The following DOCK5 variants were observed in gnomAD, a reference collection of about 807,000 sequenced individuals.
The protein encoded by DOCK5 is dedicator of cytokinesis 5.
Under a neutral mutation model 251.8 loss-of-function variants are expected in DOCK5, and 142 were observed. That is an observed-to-expected ratio of 0.56 (90% CI 0.49 to 0.65). The LOEUF is 0.65. DOCK5 is among the 30% of genes least tolerant of loss of function. The probability of loss-of-function intolerance (pLI) is 0.00; values close to 1 mark genes in which losing one functional copy is unlikely to be tolerated. For synonymous variants in DOCK5, 842 were observed against 835.5 expected, an observed-to-expected ratio of 1.01 and a Z score of -0.13; for missense variants, 2,111 against 2,312.3, an observed-to-expected ratio of 0.91 and a Z score of 1.79.
intron 34 of DOCK5, among the ~76,000 whole-genome samples, 155 bp downstream of exon 34, chr8:25,369,796 G>A (rs768566144): frequency 6.6e-6 from 1 of 152,144 alleles, no homozygotes; most frequent in African/African-American, 2.4e-5. Flanking sequence ...GGTGTATACT[G>A]TCCACAGCTG....
chr8:25,371,972 T>A (rs1305878375), intron 34 of DOCK5, among the ~76,000 whole-genome samples: 1 of 152,226 alleles, frequency 6.6e-6, no homozygotes, highest in Non-Finnish European at 1.5e-5. Context: ...AGACTGAAAG[T>A]TTAGCCTCAG....
At chr8:25,368,067 CTCTTAAGGT>C in intron 31 of DOCK5, 116 bp from the exon 32 acceptor site, 1 of 712,138 alleles carries the variant, frequency 1.4e-6, no homozygotes. Context: ...TGAACCTCAT[CTCTTAAGGT>C]TGGGCCTTAA....
intron 5 of DOCK5, among the ~76,000 whole-genome samples, chr8:25,285,001 T>C (rs189135646): frequency 3.9e-5 from 6 of 152,304 alleles, no homozygotes; most frequent in Non-Finnish European, 7.3e-5. Flanking sequence ...GGAGAAAGGG[T>C]TCAGTGAATT....
chr8:25,316,587 T>A (rs973078319), intron 13 of DOCK5, among the ~76,000 whole-genome samples: 1 of 152,204 alleles, frequency 6.6e-6, no homozygotes, highest in African/African-American at 2.4e-5. Flanking sequence ...TTAATACATA[T>A]AAGACATTTT....
At position 25,385,664 on chromosome 8, in the gene DOCK5, G is replaced by C. The variant is rs569880438; in HGVS notation, c.4131+2886G>C. Among the ~76,000 whole-genome samples the C allele has an allele frequency of 2.0e-5, 3 of 152,224 alleles. No homozygotes were observed. The South Asian group carries it at 6.2e-4, about 32-fold the overall frequency. ...CAGAGTCAAAACGAACCAAAATCTT[G>C]AAATTATCTAGCTTATGTTCCAGCT... On this transcript the variant is annotated intron_variant, in intron 40 of 51. Coordinates refer to ENST00000276440, the MANE Select transcript of DOCK5 (RefSeq NM_024940.8).
chr8:25,393,675 C>A (rs1421815414), intron 44 of DOCK5, among the ~76,000 whole-genome samples: 1 of 152,166 alleles, frequency 6.6e-6, no homozygotes, highest in Non-Finnish European at 1.5e-5. Context: ...GTTTAGGCAC[C>A]AGCTTCTCAA....
At chr8:25,326,731 A>C (rs558406143) in intron 18 of DOCK5, among the ~76,000 whole-genome samples, 1 of 152,318 alleles carries the variant, frequency 6.6e-6, no homozygotes, top group Admixed American at 6.5e-5. Flanking sequence ...TGGAAGTTGC[A>C]CTTAAGTAAA....
chr8:25,186,296 T>C (rs1309739918), intron 1 of DOCK5, among the ~76,000 whole-genome samples: 1 of 151,878 alleles, frequency 6.6e-6, no homozygotes, highest in Admixed American at 6.6e-5. Context: ...TCTTAGTCTC[T>C]CCCTTAGCTG....
intron 1 of DOCK5, among the ~76,000 whole-genome samples, chr8:25,197,710 A>G (rs1380502545): frequency 6.9e-6 from 1 of 144,046 alleles, no homozygotes; most frequent in Non-Finnish European, 1.5e-5. Flanking sequence ...CAGCCACCCA[A>G]GTAGCTGGGA....
chr8:25,261,358 T>C (rs1405539642), intron 2 of DOCK5, among the ~76,000 whole-genome samples: 1 of 152,226 alleles, frequency 6.6e-6, no homozygotes, highest in Non-Finnish European at 1.5e-5. Context: ...ATAGCAAAAC[T>C]TGTTCAGAAT....
chr8:25,337,832 G>T (rs553944483), intron 22 of DOCK5, among the ~76,000 whole-genome samples: 2 of 151,834 alleles, frequency 1.3e-5, no homozygotes, highest in Non-Finnish European at 2.9e-5. Context: ...TGATCCCCCC[G>T]CCTCGGCCTC....
intron 27 of DOCK5, among the ~76,000 whole-genome samples, 162 bp downstream of exon 27, chr8:25,351,988 A>G (rs1426553545): frequency 6.6e-6 from 1 of 151,908 alleles, no homozygotes; most frequent in Non-Finnish European, 1.5e-5. Flanking sequence ...TCTGACATGG[A>G]TTTTCTGTTG....
At chr8:25,291,788 A>C (rs1392163569) in intron 5 of DOCK5, among the ~76,000 whole-genome samples, 1 of 148,022 alleles carries the variant, frequency 6.8e-6, no homozygotes, top group Admixed American at 6.9e-5. Flanking sequence ...CCCTGTCTCT[A>C]CTTGAACCCA....
At position 25,299,006 on chromosome 8, in the gene DOCK5, C is replaced by T; in HGVS notation, c.669C>T (p.Gly223=). Reference sequence around the variant, plus strand: ...TCTTCAGTACCATCCACACCTATGGCCTCTATGTGAACTTCAAGAACTTTG... The same window carrying T: ...TCTTCAGTACCATCCACACCTATGGTCTCTATGTGAACTTCAAGAACTTTG... ...QSIFSTIHTY[G]LYVNFKNFVC... is the part of the protein sequence containing the mutation. Residue 223 remains glycine (G), a synonymous_variant, in exon 8 of 52, where the codon GGC becomes GGT. Coordinates refer to ENST00000276440, the MANE Select transcript of DOCK5 (RefSeq NM_024940.8). The T allele has an allele frequency of 6.2e-7, 1 of 1,613,924 alleles. No homozygotes were observed. The highest frequency in any genetic ancestry group is 8.5e-7 in the Non-Finnish European group (1 of 1,179,876).
At chr8:25,362,998 C>A in intron 28 of DOCK5, 49 bp from the exon 29 acceptor site, 1 of 1,417,900 alleles carries the variant, frequency 7.1e-7, no homozygotes, top group Non-Finnish European at 1.0e-6. Context: ...AGAATAAAGA[C>A]TATGAACGTA....
intron 18 of DOCK5, among the ~76,000 whole-genome samples, chr8:25,330,408 G>A (rs1805656738): frequency 6.6e-6 from 1 of 152,186 alleles, no homozygotes; most frequent in Non-Finnish European, 1.5e-5. Context: ...AAGAGTCAAG[G>A]AGATACCAAG....
In DOCK5 at chr8:25,400,110, C is replaced by G. The variant is rs1023612352; in HGVS notation, c.4788+116C>G. On this transcript the variant is annotated intron_variant, in intron 46 of 51. Coordinates refer to ENST00000276440, the MANE Select transcript of DOCK5 (RefSeq NM_024940.8). Reference sequence around the variant, plus strand: ...GGTGACTTTTCTTTCTTTTTTTAACCCTTGTGAAAGCACCACCTATCTATG... The same window carrying G: ...GGTGACTTTTCTTTCTTTTTTTAACGCTTGTGAAAGCACCACCTATCTATG... The G allele has an allele frequency of 1.1e-5, 9 of 792,472 alleles. No individual in the cohort carries two copies. In the African/African-American group the frequency reaches 1.4e-4, roughly 12 times the overall value. 49.1% of individuals were successfully genotyped at this position (792,472 alleles called of 1,614,324 possible).
At chr8:25,228,651 G>A (rs546844985) in intron 1 of DOCK5, among the ~76,000 whole-genome samples, 21 of 152,350 alleles carry the variant, frequency 1.4e-4, no homozygotes, top group African/African-American at 2.6e-4. Context: ...ATGCGTTGCC[G>A]TGGCAGTGGT....
At chr8:25,373,178 T>G (rs2117288057) in intron 35 of DOCK5, among the ~76,000 whole-genome samples, 1 of 152,102 alleles carries the variant, frequency 6.6e-6, no homozygotes, top group South Asian at 2.1e-4. Flanking sequence ...TTTTGTATTT[T>G]TAGTAGAAAC....
Sources: allele counts gnomAD v4.1 joint callset (sites outside exome capture counted in the v4.1 genomes callset), GRCh38; gene constraint gnomAD v4.1.1; transcripts MANE v1.5; gene names NCBI Gene and HGNC (gene_info 2026-07-23, HGNC 2026-07-21).